Variants in DNAH6 observed in about 807,000 individuals in gnomAD.
The protein encoded by DNAH6 is axonemal beta dynein heavy chain 6.
In DNAH6, 340 loss-of-function variants were observed where a neutral mutation model predicts 491.4. The ratio of observed to expected loss-of-function variants is 0.69; its 90% CI spans 0.63 to 0.76. The LOEUF is 0.76. Ranked by LOEUF, DNAH6 falls within the 30% of genes least tolerant of loss-of-function variation. The pLI, the probability that DNAH6 is intolerant of heterozygous loss-of-function variation, is 0.00. For synonymous variants in DNAH6, 1,603 were observed against 1,686.1 expected (o/e 0.95, Z 1.21); for missense variants, 4,443 against 4,972.2 (o/e 0.89, Z 3.20).
intron 2 of DNAH6, among the ~76,000 whole-genome samples, chr2:84,522,287 G>A (rs1676227360): frequency 6.6e-6 from 1 of 152,080 alleles, no homozygotes; most frequent in Non-Finnish European, 1.5e-5. Context: ...ACTGCTGTTG[G>A]TGTACAGGAA....
At position 84,637,365 on chromosome 2, in the gene DNAH6, C is replaced by T; in HGVS notation, c.4809C>T (p.Ala1603=). The change falls in exon 31 of 77, where the codon GCC becomes GCT. Residue 1603 remains alanine, a synonymous_variant. Transcript: ENST00000389394. The stretch of plus-strand genomic sequence containing the variant: ...TTGCGATGATGGTTCCAAATTATGC[C>T]TTGATTGCAGAGGTGAGCATCACAT... The part of the protein sequence containing the change: ...RPFAMMVPNY[A]LIAEVILYSE... The T allele has an allele frequency of 6.5e-7, 1 of 1,545,910 alleles. No homozygotes were observed. The highest frequency in any genetic ancestry group is 8.7e-7 in the Non-Finnish European group (1 of 1,143,602).
rs77901379 is a variant in DNAH6 at position 84,606,940 on chromosome 2, G to C, written c.3175-36G>C. 2.6e-6 allele frequency: 4 copies of C among 1,538,276 alleles called. No homozygotes were observed. The South Asian group carries it at 4.8e-5, about 19-fold the overall frequency. ...AAATATTACTGAAAGCACAAATACT[G>C]GGTGCTGCATGTATTTTCTTCCCCT... is the stretch of plus-strand genomic sequence containing the variant. On this transcript the variant is annotated intron_variant, in intron 20 of 76. Coordinates refer to ENST00000389394, the MANE Select transcript of DNAH6 (RefSeq NM_001370.2).
At chr2:84,683,427 T>C (rs1041080977) in intron 42 of DNAH6, among the ~76,000 whole-genome samples, 1 of 146,896 alleles carries the variant, frequency 6.8e-6, no homozygotes, top group Non-Finnish European at 1.5e-5. Flanking sequence ...TTTTTTTTTT[T>C]TTTTTTTTTT....
chr2:84,583,101 A>T (rs1412775358), intron 14 of DNAH6, among the ~76,000 whole-genome samples: 1 of 152,228 alleles, frequency 6.6e-6, no homozygotes, highest in Non-Finnish European at 1.5e-5. Context: ...TAGGAAAGAC[A>T]AGCAATACTG....
In DNAH6 at chr2:84,694,701, G is replaced by A. The variant is rs897051063; in HGVS notation, c.7524+221G>A. 2.6e-5 allele frequency among the ~76,000 whole-genome samples: 4 copies of A among 152,088 alleles called. No individual in the cohort carries two copies. The East Asian group carries it at 5.8e-4, about 22-fold the overall frequency. On this transcript the variant is annotated intron_variant, in intron 46 of 76. Coordinates refer to ENST00000389394, the MANE Select transcript of DNAH6 (RefSeq NM_001370.2). ...TAGTAATTAAATTTGATCAAAGGTCGAGGAGGTAAGTTTTTAACTTTTCTT... is the reference window on the plus strand; with the variant it reads ...TAGTAATTAAATTTGATCAAAGGTCAAGGAGGTAAGTTTTTAACTTTTCTT...
chr2:84,727,685 T>C lies in DNAH6; in HGVS notation c.9989T>C (p.Ile3330Thr). 1.3e-6 allele frequency: 2 copies of C among 1,549,078 alleles called. No homozygotes were observed. The highest frequency in any genetic ancestry group is 8.7e-7 in the Non-Finnish European group (1 of 1,144,602). Residue 3330 changes from isoleucine (I) to threonine (T), a missense_variant, in exon 61 of 77, where the codon ATT becomes ACT. By Grantham distance (89) the Ile-to-Thr change is moderately conservative. Transcript: ENST00000389394. ...TTCACACAGTTGTTCAATACCACCA[T>C]TGAAACTTCTGTAAAGACAGAAAAT... is the stretch of plus-strand genomic sequence containing the variant. The part of the protein sequence containing the change: ...KYFKQLFNTT[I>T]ETSVKTENLQ...
chr2:84,545,429 TC>T (rs1211406856), intron 5 of DNAH6, among the ~76,000 whole-genome samples: 4 of 152,226 alleles, frequency 2.6e-5, no homozygotes, highest in African/African-American at 9.6e-5. Flanking sequence ...TATTTTACCA[TC>T]TTTCATCTTT....
At chr2:84,551,941 A>G (rs568679491) in intron 9 of DNAH6, among the ~76,000 whole-genome samples, 1 of 152,048 alleles carries the variant, frequency 6.6e-6, no homozygotes, top group Admixed American at 6.6e-5. Context: ...CCAGCTACTC[A>G]GGAAGCTGAG....
chr2:84,814,010 T>C lies in DNAH6; in HGVS notation c.12038T>C (p.Ile4013Thr). Residue 4013 changes from isoleucine to threonine, a missense_variant, in exon 75 of 77, where the codon ATA (isoleucine) becomes ACA (threonine). Physicochemically the swap from Ile to Thr is moderately conservative, Grantham distance 89 (BLOSUM62 -1). Around this residue, in one of 3 missense-constraint regions of DNAH6, gnomAD observed 1,463 missense variants for 1,656.6 expected, o/e 0.88. Coordinates refer to ENST00000389394, the MANE Select transcript of DNAH6 (RefSeq NM_001370.2). ...QNHARKYNLP[I>T]DELSFKYSVI... ...CATGCTCGAAAATACAATTTGCCTA[T>C]AGATGAGCTGAGTTTCAAATACAGC... The C allele has an allele frequency of 6.4e-7, 1 of 1,551,684 alleles. No individual in the cohort carries two copies. The highest frequency in any genetic ancestry group is 8.7e-7 in the Non-Finnish European group (1 of 1,146,982).
At chr2:84,642,192 A>T in intron 33 of DNAH6, 138 bp downstream of exon 33, 1 of 649,446 alleles carries the variant, frequency 1.5e-6, no homozygotes, top group Non-Finnish European at 2.7e-6. Flanking sequence ...GCAGTTTAAG[A>T]AATACTCATT....
At chr2:84,778,565 T>C (rs1288797795) in intron 64 of DNAH6, among the ~76,000 whole-genome samples, 1 of 151,952 alleles carries the variant, frequency 6.6e-6, no homozygotes, top group Non-Finnish European at 1.5e-5. Context: ...GGTGGAGTGA[T>C]CATGGCTCAC....
chr2:84,562,714 A>G (rs1181851042), intron 11 of DNAH6, among the ~76,000 whole-genome samples: 2 of 152,238 alleles, frequency 1.3e-5, no homozygotes, highest in African/African-American at 2.4e-5. Flanking sequence ...AGTCCTCTCC[A>G]TTGGAGTCAC....
intron 59 of DNAH6, among the ~76,000 whole-genome samples, chr2:84,720,704 C>A (rs1252717412): frequency 6.6e-6 from 1 of 152,162 alleles, no homozygotes; most frequent in South Asian, 2.1e-4. Context: ...GTCATTGCCA[C>A]CCTTCTGTCT....
Position 84,619,783 on chromosome 2 carries a change from T to A in DNAH6, c.3671T>A (p.Ile1224Asn), listed in dbSNP as rs566316196. 1.3e-6 allele frequency: 2 copies of A among 1,551,614 alleles called. No homozygotes were observed. Among genetic ancestry groups the A allele is most frequent in the Non-Finnish European group, 1.7e-6 (2 of 1,146,852 alleles). ...CACTTAAGGAAATGCTTCGACTCCA[T>A]TTCAAAGCTCGAATTTGCTCTCATG... is the stretch of plus-strand genomic sequence containing the variant. Reference protein sequence around the residue: ...QPHLRKCFDSISKLEFALMPP... With the variant: ...QPHLRKCFDSNSKLEFALMPP... The change falls in exon 24 of 77, where the codon ATT (isoleucine) becomes AAT (asparagine). Residue 1224 changes from isoleucine to asparagine, a missense_variant. Physicochemically the swap from Ile to Asn is moderately radical, Grantham distance 149. Around this residue, in one of 3 missense-constraint regions of DNAH6, gnomAD observed 2,977 missense variants for 3,296.6 expected, o/e 0.90. Transcript: ENST00000389394.
intron 18 of DNAH6, among the ~76,000 whole-genome samples, chr2:84,602,701 T>C (rs1324329073): frequency 6.6e-6 from 1 of 151,782 alleles, no homozygotes; most frequent in East Asian, 1.9e-4. Flanking sequence ...TTCAAGCATT[T>C]CTTCTGCTCT....
At chr2:84,685,199 TG>T in intron 42 of DNAH6, 126 bp from the exon 43 acceptor site, 1 of 582,036 alleles carries the variant, frequency 1.7e-6, no homozygotes. Flanking sequence ...GTATATCCAC[TG>T]GGGAAGCAGT....
At chr2:84,488,401 TA>T in the DNAH6 span, among the ~76,000 whole-genome samples, 8 of 139,274 alleles carry the variant, frequency 5.7e-5, no homozygotes, top group South Asian at 4.6e-4. Flanking sequence ...AATAAAAAAA[TA>T]AAAAAATTAA....
chr2:84,673,503 T>C (rs1692940446), intron 40 of DNAH6, among the ~76,000 whole-genome samples: 1 of 152,138 alleles, frequency 6.6e-6, no homozygotes, highest in African/African-American at 2.4e-5. Context: ...GGTGTGTTAG[T>C]CAGGGTTCTC....
intron 26 of DNAH6, among the ~76,000 whole-genome samples, chr2:84,623,592 C>T (rs1158750950): frequency 6.6e-6 from 1 of 152,134 alleles, no homozygotes; most frequent in Non-Finnish European, 1.5e-5. Context: ...AACTTCATCT[C>T]CATAGCTTCA....
Sources: gnomAD v4.1 joint callset for allele counts (sites outside exome capture counted in the v4.1 genomes callset) on GRCh38, gnomAD v4.1.1 for gene constraint, gnomAD v4.1.1 regional missense constraint, MANE v1.5 for transcripts, NCBI Gene and HGNC (gene_info 2026-07-23, HGNC 2026-07-21) for gene names.